MCOLN2: variants seen among roughly 807,000 people sequenced by gnomAD.
MCOLN2 encodes mucolipin TRP cation channel 2, also known as mucolipin-2.
A neutral mutation model predicts 67.5 loss-of-function variants in MCOLN2; 57 were observed. The observed-to-expected ratio is 0.84, with a 90% CI of 0.68 to 1.05. The LOEUF (loss-of-function observed/expected upper bound fraction) is 1.05. Ranked by LOEUF, MCOLN2 falls within the 50% of genes least tolerant of loss-of-function variation. The probability of loss-of-function intolerance (pLI) is 0.00; values close to 1 mark genes in which losing one functional copy is unlikely to be tolerated. For synonymous variants in MCOLN2, 246 were observed against 233.3 expected, an observed-to-expected ratio of 1.05 and a Z score of -0.50; for missense variants, 620 against 678.8, an observed-to-expected ratio of 0.91 and a Z score of 0.96.
rs1490814711 is a variant in MCOLN2, at chr1:84,966,465, C to A, written c.78-757G>T. On this transcript the variant is annotated intron_variant, in intron 1 of 13. Transcript: ENST00000370608. ...GTATATGAACAAAAACCAGACAGGA[C>A]ATTTTCATGATACTCCAGGTATGAC... 4.9e-4 allele frequency among the ~76,000 whole-genome samples: 75 copies of A among 152,018 alleles called. 1 individual carries two copies. Among genetic ancestry groups the A allele is most frequent in the Non-Finnish European group, 4.4e-5 (3 of 68,000 alleles).
chr1:84,991,386 T>C (rs1650884682), intron 1 of MCOLN2, among the ~76,000 whole-genome samples: 1 of 152,110 alleles, frequency 6.6e-6, no homozygotes, highest in South Asian at 2.1e-4. Flanking sequence ...ATTCCTACGA[T>C]GAACAAATTT....
chr1:84,969,362 G>A (rs550627740), intron 1 of MCOLN2, among the ~76,000 whole-genome samples: 29 of 152,214 alleles, frequency 1.9e-4, no homozygotes, highest in African/African-American at 6.5e-4. Context: ...CCTGAGGTCA[G>A]GAGTTTGAGA....
rs71097870 is a variant in MCOLN2 at position 84,971,499 on chromosome 1, T to TACACAC, written c.78-5797_78-5792dup. 1.3e-3 allele frequency among the ~76,000 whole-genome samples: 169 copies of TACACAC among 132,252 alleles called. 1 individual carries two copies. Among genetic ancestry groups the TACACAC allele is most frequent in the Non-Finnish European group, 2.0e-3 (127 of 61,974 alleles). 86.8% of individuals were successfully genotyped at this position (132,252 alleles called of 152,430 possible). ...GTAGATGAAGGGTATTAAACAGACA[T>TACACAC]ACACACACACACACACACACACACA... is the stretch of plus-strand genomic sequence containing the variant. On this transcript the variant is annotated intron_variant, in intron 1 of 13. Coordinates refer to ENST00000370608, the MANE Select transcript of MCOLN2 (RefSeq NM_153259.4).
chr1:84,962,688 G>A (rs1033023183), intron 2 of MCOLN2, among the ~76,000 whole-genome samples: 6 of 152,206 alleles, frequency 3.9e-5, no homozygotes, highest in African/African-American at 9.7e-5. Flanking sequence ...GAATCACCCC[G>A]GACTTGGACG....
At chr1:84,971,936 C>A (rs568702335) in intron 1 of MCOLN2, 1 of 152,244 alleles carries the variant, frequency 6.6e-6, no homozygotes, top group Non-Finnish European at 1.5e-5. Context: ...TAGCACAAAC[C>A]TGTAACCCCA....
At chr1:84,932,269 C>T (rs767908507) in intron 11 of MCOLN2, among the ~76,000 whole-genome samples, 2 of 152,128 alleles carry the variant, frequency 1.3e-5, no homozygotes, top group African/African-American at 2.4e-5. Context: ...GGCTGGAGTG[C>T]AGTGCAATCC....
chr1:84,939,531 A>T lies in MCOLN2; in HGVS notation c.1110+22T>A, dbSNP rs553485070. ...ATCCAGGAGAAGATGAAGAACAGAG[A>T]CTTTAAATGGGCTTCCCTCACCTTT... is the stretch of plus-strand genomic sequence containing the variant. On this transcript the variant is annotated intron_variant, in intron 9 of 13. Coordinates refer to ENST00000370608, the MANE Select transcript of MCOLN2 (RefSeq NM_153259.4). 403 of 1,611,566 alleles carry T rather than the reference A, an allele frequency of 2.5e-4. 5 individuals are homozygous for T. The South Asian group carries it at 4.3e-3, about 17-fold the overall frequency.
At chr1:84,979,736 C>T (rs1442200029) in intron 1 of MCOLN2, among the ~76,000 whole-genome samples, 5 of 152,082 alleles carry the variant, frequency 3.3e-5, no homozygotes, top group Admixed American at 6.6e-5. Flanking sequence ...TGGGGAAAAA[C>T]TGAAAGCCTT....
intron 1 of MCOLN2, among the ~76,000 whole-genome samples, chr1:84,996,393 C>T (rs1459369078): frequency 8.1e-6 from 1 of 123,882 alleles, no homozygotes; most frequent in Non-Finnish European, 1.7e-5. Flanking sequence ...GTATATATTT[C>T]ATATATATAT....
At chr1:84,976,235 T>C (rs1488275549) in intron 1 of MCOLN2, among the ~76,000 whole-genome samples, 4 of 152,130 alleles carry the variant, frequency 2.6e-5, no homozygotes, top group Non-Finnish European at 5.9e-5. Context: ...CCTCAAGGCA[T>C]TTAATAATCA....
At chr1:84,982,938 G>A (rs1034584267) in intron 1 of MCOLN2, among the ~76,000 whole-genome samples, 4 of 151,930 alleles carry the variant, frequency 2.6e-5, no homozygotes, top group East Asian at 1.9e-4. Flanking sequence ...GGCTGGTCTC[G>A]AACTCCTGAC....
chr1:84,991,054 C>G (rs910662382), intron 1 of MCOLN2, among the ~76,000 whole-genome samples: 5 of 152,006 alleles, frequency 3.3e-5, no homozygotes, highest in African/African-American at 1.2e-4. Context: ...TATAGGTAAT[C>G]TTAATTTTCT....
intron 1 of MCOLN2, among the ~76,000 whole-genome samples, chr1:84,967,814 G>A (rs890349394): frequency 8.1e-6 from 1 of 123,880 alleles, no homozygotes; most frequent in African/African-American, 3.1e-5. Context: ...AGGGAGGAGA[G>A]AGAAAGTAGT....
chr1:84,965,768 G>C, intron 1 of MCOLN2, 60 bp from the exon 2 acceptor site: 1 of 1,477,972 alleles, frequency 6.8e-7, no homozygotes, highest in Non-Finnish European at 9.1e-7. Context: ...TCCTTTTGAA[G>C]TAACTTGCTT....
chr1:84,950,926 A>G (rs553700896), intron 6 of MCOLN2, among the ~76,000 whole-genome samples: 2 of 152,340 alleles, frequency 1.3e-5, no homozygotes, highest in African/African-American at 4.8e-5. Context: ...AGAAGTCCAA[A>G]GAACAAAATA....
intron 2 of MCOLN2, among the ~76,000 whole-genome samples, chr1:84,963,129 G>T (rs1044938256): frequency 2.6e-5 from 4 of 152,228 alleles, no homozygotes; most frequent in African/African-American, 9.6e-5. Flanking sequence ...CTGAAGGATT[G>T]TAAGCAAATT....
chr1:84,968,270 C>T (rs762397642), intron 1 of MCOLN2, among the ~76,000 whole-genome samples: 5 of 152,136 alleles, frequency 3.3e-5, no homozygotes, highest in Non-Finnish European at 7.3e-5. Context: ...GGCTCATAAA[C>T]CTTTGAGCCT....
intron 1 of MCOLN2, among the ~76,000 whole-genome samples, chr1:84,975,924 G>T (rs996566769): frequency 3.9e-5 from 6 of 151,960 alleles, no homozygotes; most frequent in Non-Finnish European, 8.8e-5. Context: ...TGGCAGAAAT[G>T]ATCAAGCAGA....
intron 1 of MCOLN2, among the ~76,000 whole-genome samples, chr1:84,986,128 A>G: frequency 6.6e-6 from 1 of 152,242 alleles, no homozygotes. Context: ...GAGAACCCAG[A>G]AATAAAGCCA....
Sources: allele counts gnomAD v4.1 joint callset (sites outside exome capture counted in the v4.1 genomes callset), GRCh38; gene constraint gnomAD v4.1.1; transcripts MANE v1.5; gene names NCBI Gene and HGNC (gene_info 2026-07-23, HGNC 2026-07-21).